LPP: variants seen among roughly 807,000 people sequenced by gnomAD.
The protein encoded by LPP is LIM domain containing preferred translocation partner in lipoma, also known as lipoma-preferred partner.
Under a neutral mutation model 60.4 loss-of-function variants are expected in LPP, and 38 were observed. That is an observed-to-expected ratio of 0.63 (90% CI 0.49 to 0.83). The LOEUF (loss-of-function observed/expected upper bound fraction) is 0.83. LPP is among the 40% of genes least tolerant of loss of function. The probability of loss-of-function intolerance (pLI) is 0.00; values close to 1 mark genes in which losing one functional copy is unlikely to be tolerated. For synonymous variants in LPP, 328 were observed against 290.8 expected (o/e 1.13, Z -1.30); for missense variants, 902 against 783.6 (o/e 1.15, Z -1.80).
At chr3:188,841,633 G>A (rs77854339) in intron 9 of LPP, among the ~76,000 whole-genome samples, 3,881 of 152,038 alleles carry the variant, frequency 0.026, 174 homozygotes, top group African/African-American at 0.088. Flanking sequence ...TTTGTGATCC[G>A]CCCACCTTGG....
intron 6 of LPP, among the ~76,000 whole-genome samples, chr3:188,598,894 T>A (rs1230091953): frequency 1.3e-5 from 2 of 152,170 alleles, no homozygotes; most frequent in African/African-American, 4.8e-5. Context: ...TTTTATTATT[T>A]CTTGCCTAAT....
chr3:188,778,397 T>G (rs1056880250), intron 9 of LPP, among the ~76,000 whole-genome samples: 12 of 152,190 alleles, frequency 7.9e-5, no homozygotes, highest in African/African-American at 2.9e-4. Flanking sequence ...TAATTTTACT[T>G]CTCAAAGATA....
At chr3:188,753,881 A>T (rs560037213) in intron 8 of LPP, among the ~76,000 whole-genome samples, 1 of 152,200 alleles carries the variant, frequency 6.6e-6, no homozygotes, top group Non-Finnish European at 1.5e-5. Flanking sequence ...TGAACCTTCA[A>T]GCCTCTCTAT....
intron 1 of LPP, among the ~76,000 whole-genome samples, chr3:188,205,478 C>T (rs1732938899): frequency 6.6e-6 from 1 of 152,090 alleles, no homozygotes; most frequent in South Asian, 2.1e-4. Flanking sequence ...GACGGGGTTT[C>T]ACCGTGTTGG....
intron 7 of LPP, among the ~76,000 whole-genome samples, chr3:188,621,843 A>G (rs1560656853): frequency 1.3e-5 from 2 of 152,130 alleles, no homozygotes; most frequent in Middle Eastern, 3.4e-3. Context: ...TATGTTTAGT[A>G]GAGATGGGGT....
In LPP at chr3:188,876,991, T is replaced by A. The variant is rs1769321286; in HGVS notation, c.*2512T>A. On this transcript the variant is annotated 3_prime_UTR_variant, in exon 12 of 12. Transcript: ENST00000617246. ...ACCAAAGGTTTTTAAAGTAAATCTC[T>A]TTTTAAGATAGACTTATTCTTTTAT... is the stretch of plus-strand genomic sequence containing the variant. The A allele has an allele frequency of 5.6e-6, 1 of 177,142 alleles. No individual in the cohort carries two copies. The highest frequency in any genetic ancestry group is 1.2e-5 in the Non-Finnish European group (1 of 82,142). 11.0% of individuals were successfully genotyped at this position (177,142 alleles called of 1,614,324 possible). A position where few individuals can be genotyped will look rare whatever the true frequency, so the allele number is the denominator to read the frequency against.
chr3:188,756,988 G>C, intron 8 of LPP, among the ~76,000 whole-genome samples: 1 of 152,224 alleles, frequency 6.6e-6, no homozygotes, highest in Non-Finnish European at 1.5e-5. Flanking sequence ...CCAAGCCATA[G>C]TCACTCATTC....
At chr3:188,427,649 C>A (rs1034471925) in intron 4 of LPP, among the ~76,000 whole-genome samples, 1 of 152,124 alleles carries the variant, frequency 6.6e-6, no homozygotes, top group Non-Finnish European at 1.5e-5. Flanking sequence ...GTCTACAGTG[C>A]CTTTGTGGCA....
At position 188,610,146 on chromosome 3, in the gene LPP, T is replaced by C. The variant is rs1843389043; in HGVS notation, c.1113+302T>C. ...TTCTGATGGAGAAAGAGAAAATAAT[T>C]TATTTTTCACATCCTTCCCTATATT... On this transcript the variant is annotated intron_variant, in intron 7 of 11. Coordinates refer to ENST00000617246, the MANE Select transcript of LPP (RefSeq NM_001375462.1). The surrounding 1 kb of genome is among the most constrained non-coding windows in gnomAD (Gnocchi z 4.4). Among the ~76,000 whole-genome samples, 1 of 152,154 alleles carries C rather than the reference T, an allele frequency of 6.6e-6. No homozygotes were observed. Among genetic ancestry groups the C allele is most frequent in the South Asian group, 2.1e-4 (1 of 4,834 alleles).
chr3:188,168,802 G>A (rs1298138793), intron 1 of LPP, among the ~76,000 whole-genome samples: 1 of 152,138 alleles, frequency 6.6e-6, no homozygotes, highest in Non-Finnish European at 1.5e-5. Context: ...AAATTTAATA[G>A]AACTTCAGTT....
At chr3:188,768,565 T>A (rs1734863264) in intron 9 of LPP, among the ~76,000 whole-genome samples, 1 of 152,158 alleles carries the variant, frequency 6.6e-6, no homozygotes, top group Admixed American at 6.5e-5. Flanking sequence ...TTTAATAAAA[T>A]TTTTCATGCA....
chr3:188,260,142 C>A (rs190975681), intron 2 of LPP, among the ~76,000 whole-genome samples: 1 of 151,964 alleles, frequency 6.6e-6, no homozygotes, highest in Non-Finnish European at 1.5e-5. Flanking sequence ...CAGGTTCAAG[C>A]GATTCTCCTG....
chr3:188,659,618 CA>C (rs1854110129), intron 7 of LPP, among the ~76,000 whole-genome samples: 1 of 152,172 alleles, frequency 6.6e-6, no homozygotes, highest in Admixed American at 6.6e-5. Flanking sequence ...TCCACTACAG[CA>C]CAGAAGTGCA....
At chr3:188,799,972 C>A (rs1274758225) in intron 9 of LPP, among the ~76,000 whole-genome samples, 3 of 152,112 alleles carry the variant, frequency 2.0e-5, no homozygotes, top group Non-Finnish European at 4.4e-5. Context: ...AACCTATATA[C>A]GTGCGTATGT....
chr3:188,563,998 C>A (rs1211315866), intron 6 of LPP, among the ~76,000 whole-genome samples: 1 of 151,818 alleles, frequency 6.6e-6, no homozygotes, highest in African/African-American at 2.4e-5. Flanking sequence ...GTCTTGTTTA[C>A]TTAAAACAGC....
chr3:188,427,295 G>T (rs1789641405), intron 4 of LPP, among the ~76,000 whole-genome samples: 1 of 152,126 alleles, frequency 6.6e-6, no homozygotes, highest in African/African-American at 2.4e-5. Context: ...TTCTCTTCTG[G>T]CTTGTAGAGT....
At chr3:188,607,264 T>C (rs1842580451) in intron 6 of LPP, among the ~76,000 whole-genome samples, 1 of 150,718 alleles carries the variant, frequency 6.6e-6, no homozygotes, top group Admixed American at 6.6e-5. Flanking sequence ...AGAGCTCTCT[T>C]TGGAGATGAG....
At chr3:188,211,930 C>T (rs1318838928) in intron 1 of LPP, among the ~76,000 whole-genome samples, 1 of 152,030 alleles carries the variant, frequency 6.6e-6, no homozygotes, top group Non-Finnish European at 1.5e-5. Context: ...ACAGTCATGG[C>T]TCACTGCAAC....
chr3:188,313,560 C>T (rs533670620), intron 2 of LPP, among the ~76,000 whole-genome samples: 2 of 151,336 alleles, frequency 1.3e-5, no homozygotes, highest in East Asian at 1.9e-4. Context: ...ATCGCTTGAA[C>T]TGGGAGGTGG....
Sources: allele counts gnomAD v4.1 joint callset (sites outside exome capture counted in the v4.1 genomes callset), GRCh38; gene constraint gnomAD v4.1.1; non-coding constraint Gnocchi (gnomAD v3.1); transcripts MANE v1.5; gene names NCBI Gene and HGNC (gene_info 2026-07-23, HGNC 2026-07-21).